Variants in ATRNL1 observed in about 807,000 individuals in gnomAD.
ATRNL1 encodes attractin-like protein 1.
In ATRNL1, 95 loss-of-function variants were observed where a neutral mutation model predicts 182.7. That is an observed-to-expected ratio of 0.52 (90% CI 0.44 to 0.62). The LOEUF (loss-of-function observed/expected upper bound fraction) is 0.62, where lower values mean the gene tolerates loss of function less well. ATRNL1 is among the 20% of genes least tolerant of loss of function. The pLI, the probability that ATRNL1 is intolerant of heterozygous loss-of-function variation, is 0.00. For missense variants in ATRNL1, 1,471 were observed against 1,679.5 expected (o/e 0.88, Z 2.17); for synonymous variants, 576 against 568.3 (o/e 1.01, Z -0.19).
chr10:115,744,863 A>G (rs1948244526), intron 27 of ATRNL1, among the ~76,000 whole-genome samples: 1 of 152,190 alleles, frequency 6.6e-6, no homozygotes, highest in Non-Finnish European at 1.5e-5. Flanking sequence ...AAATAATGTT[A>G]GCTATTTCTC....
intron 8 of ATRNL1, among the ~76,000 whole-genome samples, chr10:115,205,305 A>G (rs1205578146): frequency 1.3e-5 from 2 of 151,758 alleles, no homozygotes; most frequent in African/African-American, 2.4e-5. Flanking sequence ...AATGTGGCAG[A>G]TGTTGCCTTC....
At chr10:115,786,173 T>C (rs1157011492) in intron 27 of ATRNL1, among the ~76,000 whole-genome samples, 2 of 152,196 alleles carry the variant, frequency 1.3e-5, no homozygotes, top group Non-Finnish European at 2.9e-5. Context: ...GCTTTTCCTA[T>C]CATATGCTTC....
intron 8 of ATRNL1, among the ~76,000 whole-genome samples, chr10:115,197,105 G>GT (rs1302728600): frequency 9.9e-5 from 15 of 150,968 alleles, no homozygotes; most frequent in African/African-American, 1.5e-4. Flanking sequence ...CCTCGAAATA[G>GT]TTTTTTTTTC....
At chr10:115,414,707 TGTGC>T (rs1468963515) in intron 20 of ATRNL1, among the ~76,000 whole-genome samples, 4 of 151,902 alleles carry the variant, frequency 2.6e-5, no homozygotes, top group Admixed American at 1.3e-4. Flanking sequence ...TTTCTGTCTA[TGTGC>T]GTATCTTATA....
chr10:115,693,040 C>T (rs1593076066), intron 26 of ATRNL1, among the ~76,000 whole-genome samples: 2 of 152,028 alleles, frequency 1.3e-5, no homozygotes, highest in African/African-American at 4.8e-5. Flanking sequence ...TATTTATGTA[C>T]TGAAGAGCAC....
chr10:115,373,777 T>C (rs1225941325), intron 19 of ATRNL1, among the ~76,000 whole-genome samples: 1 of 151,766 alleles, frequency 6.6e-6, no homozygotes, highest in Non-Finnish European at 1.5e-5. Context: ...TTTCATAATA[T>C]TTTGTTGATT....
At chr10:115,708,224 T>C (rs1414687564) in intron 26 of ATRNL1, among the ~76,000 whole-genome samples, 4 of 151,660 alleles carry the variant, frequency 2.6e-5, no homozygotes, top group African/African-American at 9.7e-5. Flanking sequence ...GTTCTCTGGC[T>C]TCTTACTTCA....
chr10:115,489,923 G>A (rs1426207750), intron 24 of ATRNL1, among the ~76,000 whole-genome samples: 1 of 152,150 alleles, frequency 6.6e-6, no homozygotes, highest in Non-Finnish European at 1.5e-5. Context: ...AGGCCTGTTG[G>A]TGACAGTCTC....
chr10:115,203,085 G>T (rs573744603), intron 8 of ATRNL1, among the ~76,000 whole-genome samples: 46 of 152,230 alleles, frequency 3.0e-4, no homozygotes, highest in African/African-American at 1.1e-3. Context: ...TGGAATAAGA[G>T]AATAGCTTGG....
intron 19 of ATRNL1, among the ~76,000 whole-genome samples, chr10:115,360,201 A>G (rs192563983): frequency 5.3e-5 from 8 of 151,944 alleles, no homozygotes. Flanking sequence ...AGAACTCTTC[A>G]AATAAAGTTG....
At chr10:115,306,538 C>T (rs1261635094) in intron 17 of ATRNL1, among the ~76,000 whole-genome samples, 1 of 151,574 alleles carries the variant, frequency 6.6e-6, no homozygotes, top group Non-Finnish European at 1.5e-5. Context: ...TACAGTTTTT[C>T]ATTGAAGAAA....
chr10:115,335,251 A>G (rs1441214818), intron 19 of ATRNL1, among the ~76,000 whole-genome samples: 2 of 152,144 alleles, frequency 1.3e-5, no homozygotes, highest in African/African-American at 2.4e-5. Context: ...TTTTTAATCT[A>G]CCGTCTCTAA....
chr10:115,821,925 C>T (rs782649525), intron 27 of ATRNL1, among the ~76,000 whole-genome samples: 4 of 152,070 alleles, frequency 2.6e-5, no homozygotes, highest in Non-Finnish European at 4.4e-5. Flanking sequence ...CTGGACCAAG[C>T]GGAGATAATA....
chr10:115,223,913 G>GTGTGTATATATATA (rs71476115), intron 9 of ATRNL1, among the ~76,000 whole-genome samples: 38 of 55,928 alleles, frequency 6.8e-4, no homozygotes, highest in African/African-American at 2.8e-3. Context: ...GTGTGTGTGT[G>GTGTGTATATATATA]TATATATATA....
chr10:115,523,806 T>C (rs1034652299), intron 25 of ATRNL1, among the ~76,000 whole-genome samples: 3 of 152,218 alleles, frequency 2.0e-5, no homozygotes, highest in African/African-American at 7.2e-5. Context: ...TTATGAGCAC[T>C]CCAGTTCTAA....
intron 28 of ATRNL1, among the ~76,000 whole-genome samples, chr10:115,935,536 A>G (rs1366444111): frequency 6.6e-6 from 1 of 152,166 alleles, no homozygotes; most frequent in Admixed American, 6.5e-5. Flanking sequence ...TTATGGCTGC[A>G]AATGAGCGGA....
intron 18 of ATRNL1, among the ~76,000 whole-genome samples, chr10:115,331,782 G>A (rs1855236160): frequency 6.6e-6 from 1 of 152,080 alleles, no homozygotes; most frequent in Admixed American, 6.6e-5. Flanking sequence ...GCTAGAAGGT[G>A]CTCTGAGCCC....
intron 26 of ATRNL1, among the ~76,000 whole-genome samples, chr10:115,656,650 T>C (rs1210602822): frequency 2.6e-5 from 4 of 152,198 alleles, no homozygotes; most frequent in Non-Finnish European, 5.9e-5. Flanking sequence ...AATAAAATGA[T>C]TGTAAAATAA....
intron 20 of ATRNL1, among the ~76,000 whole-genome samples, chr10:115,418,615 C>A (rs1224778495): frequency 1.3e-5 from 2 of 152,100 alleles, no homozygotes; most frequent in Non-Finnish European, 2.9e-5. Flanking sequence ...TCACCAGATT[C>A]AATCCCAATA....
Sources: allele counts gnomAD v4.1 joint callset (sites outside exome capture counted in the v4.1 genomes callset), GRCh38; gene constraint gnomAD v4.1.1; transcripts MANE v1.5; gene names NCBI Gene and HGNC (gene_info 2026-07-23, HGNC 2026-07-21).